The following LRTM3 variants were observed in gnomAD, a reference collection of about 807,000 sequenced individuals.
The protein encoded by LRTM3 is leucine-rich repeat transmembrane protein 3.
chr13:102,736,653 C>T, the LRTM3 span: 1 of 1,550,784 alleles, frequency 6.4e-7, no homozygotes, highest in Admixed American at 2.0e-5. Flanking sequence ...ACCTCACCTT[C>T]TTGTGCCTTT....
the LRTM3 span, chr13:102,732,527 A>T: frequency 6.4e-7 from 1 of 1,551,108 alleles, no homozygotes; most frequent in African/African-American, 1.4e-5. Flanking sequence ...ATTTCTTTGA[A>T]ATAATTTTTG....
the LRTM3 span, chr13:102,749,275 C>T: frequency 2.6e-6 from 4 of 1,550,666 alleles, no homozygotes; most frequent in African/African-American, 4.1e-5. Context: ...TTCTATTTTT[C>T]TGCCCTTTAA....
the LRTM3 span, chr13:102,733,188 T>C: frequency 3.2e-6 from 5 of 1,551,338 alleles, no homozygotes; most frequent in African/African-American, 1.4e-5. Context: ...CACCGTCGGA[T>C]CACTTGCTTT....
the LRTM3 span, chr13:102,732,141 T>C: frequency 6.4e-7 from 1 of 1,551,360 alleles, no homozygotes; most frequent in Non-Finnish European, 8.7e-7. Flanking sequence ...GTGTCTCTCT[T>C]AGACATTTCA....
At chr13:102,749,479 C>A in the LRTM3 span, 2 of 1,551,238 alleles carry the variant, frequency 1.3e-6, no homozygotes, top group Non-Finnish European at 1.7e-6. Context: ...AATATTTAAC[C>A]TTGTTTGAAT....
At chr13:102,746,645 T>C in the LRTM3 span, 1 of 1,551,236 alleles carries the variant, frequency 6.4e-7, no homozygotes, top group South Asian at 1.2e-5. Context: ...TGTTACTCTC[T>C]TTTTCATCAC....
chr13:102,746,195 T>G, the LRTM3 span: 1 of 1,551,002 alleles, frequency 6.4e-7, no homozygotes, highest in Non-Finnish European at 8.7e-7. Flanking sequence ...TGTTAAACAG[T>G]TCAGCACTGG....
the LRTM3 span, chr13:102,742,890 C>T: frequency 6.4e-7 from 1 of 1,550,778 alleles, no homozygotes; most frequent in South Asian, 1.2e-5. Context: ...ATGGCATCAT[C>T]TGTTGCCTCA....
chr13:102,753,504 A>G, the LRTM3 span, among the ~76,000 whole-genome samples: 4 of 151,732 alleles, frequency 2.6e-5, no homozygotes, highest in East Asian at 1.9e-4. Flanking sequence ...TAAAAAAAAA[A>G]AAAAGAAAAG....
chr13:102,749,606 A>C, the LRTM3 span: 1 of 1,551,450 alleles, frequency 6.4e-7, no homozygotes, highest in East Asian at 2.4e-5. Context: ...GTTCCTATCC[A>C]GATCTTGGGA....
the LRTM3 span, chr13:102,745,818 C>T: frequency 6.4e-7 from 1 of 1,551,174 alleles, no homozygotes; most frequent in Non-Finnish European, 8.7e-7. Context: ...TGACTCTCTA[C>T]CTTTTCAAAT....
At chr13:102,741,278 T>G in the LRTM3 span, 1 of 1,550,310 alleles carries the variant, frequency 6.5e-7, no homozygotes. Context: ...GATGGTAACA[T>G]TTTCTTTTCT....
At chr13:102,749,211 C>G in the LRTM3 span, 1 of 1,549,992 alleles carries the variant, frequency 6.5e-7, no homozygotes, top group East Asian at 2.4e-5. Context: ...GTTTTTTTGG[C>G]TTTTAGAGAT....
the LRTM3 span, chr13:102,747,002 G>A: frequency 1.4e-5 from 22 of 1,551,178 alleles, no homozygotes; most frequent in East Asian, 5.1e-4. Flanking sequence ...TTCTTTCTCT[G>A]TTTTAATCTC....
the LRTM3 span, chr13:102,745,114 G>A: frequency 8.4e-6 from 13 of 1,550,592 alleles, no homozygotes; most frequent in African/African-American, 1.2e-4. Flanking sequence ...CATCTTGTTT[G>A]GTAACAAACA....
At chr13:102,738,639 A>G in the LRTM3 span, 2 of 1,550,346 alleles carry the variant, frequency 1.3e-6, no homozygotes, top group East Asian at 2.4e-5. Flanking sequence ...TCAGAAATAC[A>G]CTTTTCATAT....
the LRTM3 span, chr13:102,746,469 A>G: frequency 1.9e-6 from 3 of 1,551,002 alleles, no homozygotes; most frequent in African/African-American, 4.1e-5. Flanking sequence ...GTATTTAGAC[A>G]TTCAGGTACC....
chr13:102,731,307 T>G, the LRTM3 span: 1 of 1,551,410 alleles, frequency 6.4e-7, no homozygotes, highest in Non-Finnish European at 8.7e-7. Flanking sequence ...TTCATTGTTT[T>G]ATGTCTAGAA....
chr13:102,735,603 G>A, the LRTM3 span: 1 of 1,550,944 alleles, frequency 6.4e-7, no homozygotes, highest in Non-Finnish European at 8.7e-7. Context: ...TTTGCTTTCA[G>A]GTCTGTACAT....
Sources: allele counts gnomAD v4.1 joint callset (sites outside exome capture counted in the v4.1 genomes callset), GRCh38; gene constraint gnomAD v4.1.1; transcripts MANE v1.5; gene names NCBI Gene and HGNC (gene_info 2026-07-23, HGNC 2026-07-21).